IL1RAPL1: variants seen among roughly 807,000 people sequenced by gnomAD.
The protein encoded by IL1RAPL1 is interleukin-1 receptor accessory protein-like 1.
IL1RAPL1 carries 3 observed loss-of-function variants against 48.4 expected under a neutral mutation model. The observed-to-expected ratio is 0.06, with a 90% CI of 0.03 to 0.16. IL1RAPL1 has a LOEUF of 0.16. Ranked by LOEUF, IL1RAPL1 falls within the 10% of genes least tolerant of loss-of-function variation. IL1RAPL1 has a pLI of 1.00. For synonymous variants in IL1RAPL1, 185 were observed against 187.7 expected (o/e 0.99, Z 0.12); for missense variants, 349 against 530.6 (o/e 0.66, Z 3.36).
chrX:29,063,616 C>G (rs1239165406), intron 2 of IL1RAPL1, among the ~76,000 whole-genome samples: 1 of 111,654 alleles, frequency 9.0e-6, no homozygotes, highest in Non-Finnish European at 1.9e-5. Context: ...AAGTAAATGC[C>G]TGATTTGTGG....
chrX:29,086,146 A>T (rs1927947481), intron 2 of IL1RAPL1, among the ~76,000 whole-genome samples: 2 of 112,307 alleles, frequency 1.8e-5, no homozygotes, highest in Non-Finnish European at 3.8e-5. Context: ...TAAGATATTC[A>T]TTTGAAGAAT....
In IL1RAPL1 at chrX:29,921,655, T is replaced by A. The variant is rs1040793429; in HGVS notation, c.1057+1561T>A. On this transcript the variant is annotated intron_variant, in intron 8 of 10. Coordinates refer to ENST00000378993, the MANE Select transcript of IL1RAPL1 (RefSeq NM_014271.4). ...CTTAAGTGTTGTGTAATTGAACTTC[T>A]TATCCTGCCATAACATCTTCTGAAG... is the stretch of plus-strand genomic sequence containing the variant. Among the ~76,000 whole-genome samples the A allele has an allele frequency of 6.2e-5, 7 of 112,526 alleles. No homozygotes were observed. In the South Asian group the frequency reaches 1.1e-3, roughly 18 times the overall value.
chrX:28,944,595 A>G (rs1173977258), intron 2 of IL1RAPL1, among the ~76,000 whole-genome samples: 4 of 110,815 alleles, frequency 3.6e-5, no homozygotes, highest in African/African-American at 1.3e-4. Flanking sequence ...TCTGTTCACA[A>G]TTTTTTAAAA....
At chrX:28,731,505 T>C (rs190245656) in intron 1 of IL1RAPL1, among the ~76,000 whole-genome samples, 1 of 112,386 alleles carries the variant, frequency 8.9e-6, no homozygotes, top group Admixed American at 9.5e-5. Flanking sequence ...TTTGAAGAAC[T>C]TCTAATACTT....
At position 29,562,102 on chromosome X, in the gene IL1RAPL1, TATCTATCTATCTA is replaced by T. The variant is rs1166961470; in HGVS notation, c.704-106314_704-106302del. On this transcript the variant is annotated intron_variant, in intron 5 of 10. Transcript: ENST00000378993. ...TATCTAATCTATCTGTCTATCTATC[TATCTATCTATCTA>T]ATCTATCTATCTATCTATCTATCTA... Among the ~76,000 whole-genome samples the T allele has an allele frequency of 6.3e-3, 565 of 89,687 alleles. 8 individuals carry two copies. The highest frequency in any genetic ancestry group is 0.029 in the African/African-American group (533 of 18,389). 77.9% of individuals were successfully genotyped at this position (89,687 alleles called of 115,157 possible). A position where few individuals can be genotyped will look rare whatever the true frequency, so the allele number is the denominator to read the frequency against.
At chrX:29,028,549 G>A (rs1485202221) in intron 2 of IL1RAPL1, among the ~76,000 whole-genome samples, 1 of 111,063 alleles carries the variant, frequency 9.0e-6, no homozygotes, top group Non-Finnish European at 1.9e-5. Flanking sequence ...GCCTCCCAAA[G>A]TGCTAGGATT....
At chrX:29,260,500 T>C (rs1215948166) in intron 2 of IL1RAPL1, among the ~76,000 whole-genome samples, 1 of 111,842 alleles carries the variant, frequency 8.9e-6, no homozygotes, top group Non-Finnish European at 1.9e-5. Flanking sequence ...CTGAGACTTA[T>C]TCACTACCAT....
chrX:29,802,851 G>A (rs1418470075), intron 6 of IL1RAPL1, among the ~76,000 whole-genome samples: 1 of 86,071 alleles, frequency 1.2e-5, no homozygotes, highest in African/African-American at 4.7e-5. Context: ...ACATATATGT[G>A]TATATACGTG....
chrX:28,761,954 A>G (rs1310825424), intron 1 of IL1RAPL1, among the ~76,000 whole-genome samples: 2 of 111,700 alleles, frequency 1.8e-5, no homozygotes, highest in Non-Finnish European at 3.8e-5. Context: ...CTGTTTCGCT[A>G]TCTATAATAT....
intron 2 of IL1RAPL1, among the ~76,000 whole-genome samples, chrX:29,252,287 A>G (rs909497728): frequency 1.8e-5 from 2 of 113,606 alleles, no homozygotes; most frequent in Admixed American, 9.2e-5. Context: ...AAAAAAGAAA[A>G]AAAAAAAGAA....
intron 2 of IL1RAPL1, among the ~76,000 whole-genome samples, chrX:28,902,178 T>TTC (rs1469405492): frequency 1.8e-5 from 2 of 109,786 alleles, no homozygotes. Flanking sequence ...TATCCTTTTT[T>TTC]TTTTTCTTTA....
chrX:29,378,910 C>T, intron 3 of IL1RAPL1, among the ~76,000 whole-genome samples: 1 of 112,445 alleles, frequency 8.9e-6, no homozygotes, highest in Non-Finnish European at 1.9e-5. Flanking sequence ...GAGGCTATAA[C>T]ATGGAGATAG....
rs754418788 is a variant in IL1RAPL1, at chrX:29,013,575, G to A, written c.82+224150G>A. Among the ~76,000 whole-genome samples the A allele has an allele frequency of 3.6e-5, 4 of 111,889 alleles. No homozygotes were observed. The East Asian group carries it at 1.1e-3, about 31-fold the overall frequency. On this transcript the variant is annotated intron_variant, in intron 2 of 10. Transcript: ENST00000378993. ...ATCATGTCCTTTGCTGGGACATAGA[G>A]TTGGAAACCATTATCCTCAGCAAAC... is the stretch of plus-strand genomic sequence containing the variant.
At chrX:29,399,717 G>T (rs1404487173) in intron 5 of IL1RAPL1, among the ~76,000 whole-genome samples, 2 of 110,144 alleles carry the variant, frequency 1.8e-5, no homozygotes, top group Non-Finnish European at 3.8e-5. Context: ...TACTCGGGAG[G>T]CTGAGGCAGG....
chrX:28,929,646 C>A (rs1354506932), intron 2 of IL1RAPL1, among the ~76,000 whole-genome samples: 1 of 112,090 alleles, frequency 8.9e-6, no homozygotes, highest in Non-Finnish European at 1.9e-5. Flanking sequence ...GGAATTTAAT[C>A]CCTGGGAATG....
chrX:28,914,212 T>C (rs1280638262), intron 2 of IL1RAPL1, among the ~76,000 whole-genome samples: 1 of 110,702 alleles, frequency 9.0e-6, no homozygotes, highest in Non-Finnish European at 1.9e-5. Flanking sequence ...ATAAATGAGG[T>C]ATTTACCTCA....
intron 5 of IL1RAPL1, among the ~76,000 whole-genome samples, chrX:29,575,203 AG>A (rs997594352): frequency 9.8e-5 from 11 of 111,816 alleles, no homozygotes; most frequent in African/African-American, 3.3e-4. Context: ...TGTATTAATC[AG>A]GGTTCTCCAG....
chrX:29,393,738 TTC>T (rs1422839594), intron 3 of IL1RAPL1, among the ~76,000 whole-genome samples: 2 of 107,474 alleles, frequency 1.9e-5, no homozygotes, highest in Non-Finnish European at 3.9e-5. Flanking sequence ...TTTTTTTTAA[TTC>T]TGTGTTCTAC....
At chrX:29,222,941 AC>A (rs1317781651) in intron 2 of IL1RAPL1, among the ~76,000 whole-genome samples, 2 of 111,225 alleles carry the variant, frequency 1.8e-5, no homozygotes, top group Non-Finnish European at 3.8e-5. Flanking sequence ...ATAAAATAAA[AC>A]CATCCCTCCT....
Sources: allele counts gnomAD v4.1 joint callset (sites outside exome capture counted in the v4.1 genomes callset), GRCh38; gene constraint gnomAD v4.1.1; transcripts MANE v1.5; gene names NCBI Gene and HGNC (gene_info 2026-07-23, HGNC 2026-07-21).